The following CACTIN variants were observed in gnomAD, a reference collection of about 807,000 sequenced individuals.
CACTIN encodes the protein cactin, spliceosome C complex subunit, also known as splicing factor Cactin.
A neutral mutation model predicts 84.9 loss-of-function variants in CACTIN; 20 were observed. The observed-to-expected ratio is 0.24, with a 90% CI of 0.17 to 0.34. The LOEUF (loss-of-function observed/expected upper bound fraction) is 0.34. Ranked by LOEUF, CACTIN falls within the 10% of genes least tolerant of loss-of-function variation. The pLI is 1.00. For missense variants in CACTIN, 897 were observed against 1,117.2 expected (o/e 0.80, Z 2.81); for synonymous variants, 549 against 467.9 (o/e 1.17, Z -2.24).
At chr19:3,624,484 G>T (rs886857007) in intron 1 of CACTIN, among the ~76,000 whole-genome samples, 2 of 152,316 alleles carry the variant, frequency 1.3e-5, no homozygotes, top group East Asian at 3.9e-4. Context: ...CCAAGGTCTG[G>T]AGGGAGTGGG....
intron 2 of CACTIN, 85 bp downstream of exon 2, chr19:3,623,603 C>A (rs1322560812): frequency 3.4e-5 from 41 of 1,216,326 alleles, no homozygotes; most frequent in Non-Finnish European, 4.6e-5. Context: ...CGATCAAGGG[C>A]AGGCTGGGAG....
At position 3,620,117 on chromosome 19, in the gene CACTIN, C is replaced by T. The variant is rs764766999; in HGVS notation, c.884+10G>A. ...GTCTGGGTCGGAGGGAGGGGGAGGC[C>T]CCAGCGCACCGCAGCTTGGCCTGCT... is the stretch of plus-strand genomic sequence containing the variant. On this transcript the variant is annotated intron_variant, in intron 4 of 9. Coordinates refer to ENST00000429344, the MANE Select transcript of CACTIN (RefSeq NM_001080543.2). The T allele has an allele frequency of 5.0e-6, 8 of 1,609,062 alleles. No homozygotes were observed. In the South Asian group the frequency reaches 8.8e-5, roughly 18 times the overall value.
Position 3,614,498 on chromosome 19 carries a change from G to C in CACTIN, c.1254C>G (p.Phe418Leu). 6.2e-7 allele frequency: 1 copy of C among 1,606,070 alleles called. No individual in the cohort carries two copies. Among genetic ancestry groups the C allele is most frequent in the African/African-American group, 1.3e-5 (1 of 74,912 alleles). Residue 418 changes from phenylalanine (F) to leucine (L), a missense_variant, in exon 7 of 10, where the codon TTC (phenylalanine) becomes TTG (leucine). Phe to Leu is a conservative substitution (Grantham distance 22). Transcript: ENST00000429344. ...CGCGGATTTTGCCCTCGATGCCCTG[G>C]AAGATGACCTGCAGCTGGTTGTATG... Reference protein sequence around the residue: ...GKTYNQLQVIFQGIEGKIRAG... With the variant: ...GKTYNQLQVILQGIEGKIRAG...
chr19:3,613,442 C>A, intron 8 of CACTIN, 22 bp downstream of exon 8: 1 of 1,560,642 alleles, frequency 6.4e-7, no homozygotes, highest in Non-Finnish European at 8.6e-7. Context: ...ATCGGCGTCC[C>A]CGGGGTGCCG....
Position 3,620,221 on chromosome 19 carries a change from C to T in CACTIN, c.790G>A (p.Glu264Lys). The T allele has an allele frequency of 6.2e-7, 1 of 1,602,792 alleles. No homozygotes were observed. The highest frequency in any genetic ancestry group is 8.5e-7 in the Non-Finnish European group (1 of 1,177,098). The change falls in exon 4 of 10, where the codon GAG becomes AAG. Residue 264 changes from glutamate (E) to lysine (K), a missense_variant. By Grantham distance (56) the Glu-to-Lys change is moderately conservative. This residue lies in a region of CACTIN where 304 missense variants were observed against 444.3 expected (regional missense o/e 0.68). Transcript: ENST00000429344. Reference sequence around the variant, plus strand: ...TTCTCGCGCTGCAGCATCTCCAGCTCCTGCTCGCGCATGGCCTTCTCCCGC... The same window carrying T: ...TTCTCGCGCTGCAGCATCTCCAGCTTCTGCTCGCGCATGGCCTTCTCCCGC... The part of the protein sequence containing the change: ...REREKAMREQ[E>K]LEMLQREKEA...
rs1370604808 is a variant in CACTIN at position 3,611,705 on chromosome 19, C to T, written c.*218G>A. 3.1e-6 allele frequency: 2 copies of T among 647,382 alleles called. No homozygotes were observed. Among genetic ancestry groups the T allele is most frequent in the South Asian group, 3.6e-5 (2 of 56,294 alleles). The allele number at this position is 647,382 out of a possible 1,614,324, so 40.1% of individuals were successfully genotyped here. ...CGTTGCATCAGGACCCTAGGCCAGC[C>T]TGTCCCAGTGTCTCCTCAGCTCACC... is the stretch of plus-strand genomic sequence containing the variant. On this transcript the variant is annotated 3_prime_UTR_variant, in exon 10 of 10. Transcript: ENST00000429344.
In CACTIN at chr19:3,620,225, C is replaced by G; in HGVS notation, c.786G>C (p.Glu262Asp). 1.2e-6 allele frequency: 2 copies of G among 1,600,946 alleles called. No homozygotes were observed. Among genetic ancestry groups the G allele is most frequent in the Non-Finnish European group, 1.7e-6 (2 of 1,176,462 alleles). ...LEREREKAMR[E>D]QELEMLQREK... Reference sequence around the variant, plus strand: ...CGCGCTGCAGCATCTCCAGCTCCTGCTCGCGCATGGCCTTCTCCCGCTCCC... The same window carrying G: ...CGCGCTGCAGCATCTCCAGCTCCTGGTCGCGCATGGCCTTCTCCCGCTCCC... The change falls in exon 4 of 10, where the codon GAG (glutamate) becomes GAC (aspartate). Residue 262 changes from glutamate (E) to aspartate (D), a missense_variant. By Grantham distance (45) the Glu-to-Asp change is conservative. Coordinates refer to ENST00000429344, the MANE Select transcript of CACTIN (RefSeq NM_001080543.2).
chr19:3,613,687 A>T, intron 7 of CACTIN, 101 bp from the exon 8 acceptor site: 1 of 1,479,378 alleles, frequency 6.8e-7, no homozygotes, highest in Non-Finnish European at 9.0e-7. Context: ...GGACCCTGAG[A>T]AGGTGGCGAG....
At chr19:3,617,631 C>T (rs551444608) in intron 6 of CACTIN, among the ~76,000 whole-genome samples, 2 of 151,340 alleles carry the variant, frequency 1.3e-5, no homozygotes, top group African/African-American at 4.9e-5. Flanking sequence ...CCCAGTCTTA[C>T]AGGAGAGGGC....
Position 3,623,865 on chromosome 19 carries a change from C to CAA in CACTIN, c.464_465insTT (p.Glu155AspfsTer3). 6.2e-7 allele frequency: 1 copy of CAA among 1,610,056 alleles called. No individual in the cohort carries two copies. The highest frequency in any genetic ancestry group is 8.5e-7 in the Non-Finnish European group (1 of 1,179,868). On this transcript the variant is annotated frameshift_variant, in exon 2 of 10. Coordinates refer to ENST00000429344, the MANE Select transcript of CACTIN (RefSeq NM_001080543.2). LOFTEE classifies it high-confidence loss of function. ...CGGGCGTCTCGAAGGCCTTCATCAG[C>CAA]TCCTCCTGCTGCTTCCGCTCCTCCC...
In CACTIN at chr19:3,620,133, T is replaced by G. The variant is rs757601367; in HGVS notation, c.878A>C (p.Lys293Thr). 1.2e-6 allele frequency: 2 copies of G among 1,610,946 alleles called. No individual in the cohort carries two copies. The highest frequency in any genetic ancestry group is 1.7e-6 in the Non-Finnish European group (2 of 1,179,754). ...GGGGGAGGCCCCAGCGCACCGCAGC[T>G]TGGCCTGCTGGAGGTGGAAGTTGTC... Reference protein sequence around the residue: ...QEDNFHLQQAKLRSKIRIRDG... With the variant: ...QEDNFHLQQATLRSKIRIRDG... Residue 293 changes from lysine (K) to threonine (T), a missense_variant, in exon 4 of 10, where the codon AAG (lysine) becomes ACG (threonine). Transcript: ENST00000429344.
intron 6 of CACTIN, among the ~76,000 whole-genome samples, chr19:3,618,028 G>A (rs1402646156): frequency 6.6e-6 from 1 of 152,346 alleles, no homozygotes; most frequent in East Asian, 1.9e-4. Context: ...CACCATGATG[G>A]CACCCAAGGC....
intron 4 of CACTIN, 119 bp from the exon 5 acceptor site, chr19:3,619,361 G>A (rs2033174656): frequency 2.5e-6 from 3 of 1,193,230 alleles, no homozygotes; most frequent in Non-Finnish European, 2.3e-6. Context: ...CGTTGGGGGT[G>A]GTCAGGGAAG....
At chr19:3,623,325 C>T (rs7252517) in intron 2 of CACTIN, among the ~76,000 whole-genome samples, 9 of 151,600 alleles carry the variant, frequency 5.9e-5, no homozygotes, top group Non-Finnish European at 8.8e-5. Flanking sequence ...GTCAGGAGAT[C>T]GAGACCATCC....
chr19:3,622,788 A>C (rs2033251470), intron 2 of CACTIN, among the ~76,000 whole-genome samples: 1 of 152,228 alleles, frequency 6.6e-6, no homozygotes. Context: ...GAACGAAAGA[A>C]CCAGCTCAGA....
At chr19:3,623,611 G>T in intron 2 of CACTIN, 77 bp downstream of exon 2, 1 of 1,282,734 alleles carries the variant, frequency 7.8e-7, no homozygotes, top group Non-Finnish European at 1.1e-6. Flanking sequence ...GGCAGGCTGG[G>T]AGTGTCTCAA....
chr19:3,614,644 C>T, intron 6 of CACTIN, 55 bp from the exon 7 acceptor site: 2 of 1,465,952 alleles, frequency 1.4e-6, no homozygotes, highest in Non-Finnish European at 1.9e-6. Flanking sequence ...CGTGCTCCTC[C>T]ACCCCATCAG....
chr19:3,615,240 A>G lies in CACTIN; in HGVS notation c.1163-651T>C. 1 of 157,468 alleles carries G rather than the reference A, an allele frequency of 6.4e-6. No individual in the cohort carries two copies. The highest frequency in any genetic ancestry group is 1.4e-5 in the Non-Finnish European group (1 of 71,088). The allele number at this position is 157,468 out of a possible 1,614,324, so 9.8% of individuals were successfully genotyped here. On this transcript the variant is annotated intron_variant, in intron 6 of 9. Transcript: ENST00000429344. This position sits in a 1 kb window ranked among gnomAD's most constrained non-coding sequence, Gnocchi z 5.2. ...CCACTGGCCCAGGGGCCCGAGGCTCAAGTCCCTCCTCGATAGACGGGGAGG... is the reference window on the plus strand; with the variant it reads ...CCACTGGCCCAGGGGCCCGAGGCTCGAGTCCCTCCTCGATAGACGGGGAGG...
In CACTIN at chr19:3,626,532, C is replaced by A. The variant is rs897762323; in HGVS notation, c.167+64G>T. Reference sequence around the variant, plus strand: ...TTTCCCGGTTCCCCGGGATCTCCAACCCTCGGTCGGGCGCTCCTGAGGTAG... The same window carrying A: ...TTTCCCGGTTCCCCGGGATCTCCAAACCTCGGTCGGGCGCTCCTGAGGTAG... On this transcript the variant is annotated intron_variant, in intron 1 of 9. Transcript: ENST00000429344. 1.1e-5 allele frequency: 14 copies of A among 1,298,002 alleles called. No homozygotes were observed. The Admixed American group carries it at 2.3e-4, about 22-fold the overall frequency. The allele number at this position is 1,298,002 out of a possible 1,614,324, so 80.4% of individuals were successfully genotyped here. A position where few individuals can be genotyped will look rare whatever the true frequency, so the allele number is the denominator to read the frequency against.
Sources: gnomAD v4.1 joint callset for allele counts (sites outside exome capture counted in the v4.1 genomes callset) on GRCh38, gnomAD v4.1.1 for gene constraint, gnomAD v4.1.1 regional missense constraint, Gnocchi (gnomAD v3.1) non-coding constraint, MANE v1.5 for transcripts, NCBI Gene and HGNC (gene_info 2026-07-23, HGNC 2026-07-21) for gene names.